The following PRR12 variants were observed in gnomAD, a reference collection of about 807,000 sequenced individuals.
PRR12 encodes proline rich 12.
Under a neutral mutation model 138.0 loss-of-function variants are expected in PRR12, and 12 were observed. The observed-to-expected ratio is 0.09, with a 90% confidence interval of 0.06 to 0.14. The LOEUF (loss-of-function observed/expected upper bound fraction) is 0.14, where lower values mean the gene tolerates loss of function less well. Ranked by LOEUF, PRR12 falls within the 10% of genes least tolerant of loss-of-function variation. PRR12 has a pLI of 1.00. For missense variants in PRR12, 2,692 were observed against 2,861.3 expected (o/e 0.94, Z 1.35); for synonymous variants, 1,567 against 1,291.7 (o/e 1.21, Z -4.57).
At chr19:49,612,288 G>T (rs1348624610) in intron 6 of PRR12, among the ~76,000 whole-genome samples, 2 of 151,760 alleles carry the variant, frequency 1.3e-5, no homozygotes, top group South Asian at 4.1e-4. Flanking sequence ...CCAATCAGCT[G>T]TGGGTATGGA....
chr19:49,596,987 C>T lies in PRR12; in HGVS notation c.2652C>T (p.Leu884=), dbSNP rs895654254. ...CGCCAGGCGCCATGCAGGAATTGCT[C>T]GGGGCTCTGGAGCCGCTGCCCCCGG... The part of the protein sequence containing the change: ...LDPPGAMQEL[L]GALEPLPPAP... Residue 884 remains leucine, a synonymous_variant, in exon 4 of 14, where the codon CTC becomes CTT. Coordinates refer to ENST00000418929, the MANE Select transcript of PRR12 (RefSeq NM_020719.3). This position sits in a 1 kb window ranked among gnomAD's most constrained non-coding sequence, Gnocchi z 5.6. 1.1e-5 allele frequency: 17 copies of T among 1,557,808 alleles called. No homozygotes were observed. Among genetic ancestry groups the T allele is most frequent in the Admixed American group, 3.8e-5 (2 of 52,228 alleles).
chr19:49,624,580 G>A (rs2080945064), intron 11 of PRR12, among the ~76,000 whole-genome samples: 1 of 151,558 alleles, frequency 6.6e-6, no homozygotes, highest in Admixed American at 6.6e-5. Context: ...GGATGGGGCT[G>A]GGAATTCTGG....
intron 9 of PRR12, 52 bp from the exon 10 acceptor site, chr19:49,620,300 G>A: frequency 1.2e-6 from 2 of 1,607,796 alleles, no homozygotes; most frequent in South Asian, 1.1e-5. Context: ...TGCCACACAG[G>A]TGGTCTCAGA....
Position 49,614,394 on chromosome 19 carries a change from G to A in PRR12, c.4774-139G>A, listed in dbSNP as rs1424433081. 3.3e-6 allele frequency: 2 copies of A among 610,510 alleles called. No homozygotes were observed. Among genetic ancestry groups the A allele is most frequent in the Non-Finnish European group, 5.7e-6 (2 of 351,114 alleles). The allele number at this position is 610,510 out of a possible 1,614,324, so 37.8% of individuals were successfully genotyped here. On this transcript the variant is annotated intron_variant, in intron 6 of 13. Transcript: ENST00000418929. The surrounding 1 kb of genome is among the most constrained non-coding windows in gnomAD (Gnocchi z 5.0). ...TACACAGAGCTGAACACATCATGGG[G>A]GTAGAAGATATTTGTTGTTGACGTG...
chr19:49,593,660 A>T (rs1204924844), intron 2 of PRR12, among the ~76,000 whole-genome samples: 1 of 151,070 alleles, frequency 6.6e-6, no homozygotes, highest in Non-Finnish European at 1.5e-5. Context: ...CTTTCGCTCC[A>T]ATTGGCCCTG....
At position 49,595,106 on chromosome 19, in the gene PRR12, T is replaced by C; in HGVS notation, c.771T>C (p.Ala257=). The change falls in exon 4 of 14, where the codon GCT becomes GCC. Residue 257 remains alanine (A), a synonymous_variant. Transcript: ENST00000418929. Reference sequence around the variant, plus strand: ...CTTCCTCTTCCGCTGCCGCCGCCGCTGCCGAGCAGTCCTCCCCACAGCTCT... The same window carrying C: ...CTTCCTCTTCCGCTGCCGCCGCCGCCGCCGAGCAGTCCTCCCCACAGCTCT... ...LLASSSAAAA[A]AEQSSPQLYN... 2 of 1,611,272 alleles carry C rather than the reference T, an allele frequency of 1.2e-6. No homozygotes were observed. Among genetic ancestry groups the C allele is most frequent in the African/African-American group, 1.3e-5 (1 of 74,620 alleles).
intron 6 of PRR12, among the ~76,000 whole-genome samples, chr19:49,606,136 G>A (rs974677632): frequency 8.6e-5 from 13 of 152,030 alleles, no homozygotes; most frequent in African/African-American, 3.1e-4. Flanking sequence ...AAGTAACTAG[G>A]ACTACAAGCA....
intron 6 of PRR12, among the ~76,000 whole-genome samples, chr19:49,613,874 C>T (rs1040515876): frequency 2.6e-5 from 4 of 152,160 alleles, no homozygotes; most frequent in East Asian, 3.9e-4. Context: ...TTTGGGAGGC[C>T]GAGCCGGGTG....
rs2080744043 is a variant in PRR12 at position 49,593,554 on chromosome 19, G to T, written c.199+115G>T. 6.8e-6 allele frequency: 4 copies of T among 591,358 alleles called. No individual in the cohort carries two copies. The Admixed American group carries it at 9.6e-5, about 14-fold the overall frequency. The allele number at this position is 591,358 out of a possible 1,614,324, so 36.6% of individuals were successfully genotyped here. A position where few individuals can be genotyped will look rare whatever the true frequency, so the allele number is the denominator to read the frequency against. On this transcript the variant is annotated intron_variant, in intron 2 of 13. Coordinates refer to ENST00000418929, the MANE Select transcript of PRR12 (RefSeq NM_020719.3). Reference sequence around the variant, plus strand: ...TTGGCCGTGGCCCGTGCCGTGGCCCGCCCCTTGCTGTGTCTCCTCTGATTG... The same window carrying T: ...TTGGCCGTGGCCCGTGCCGTGGCCCTCCCCTTGCTGTGTCTCCTCTGATTG...
chr19:49,591,847 C>T (rs1183342088), intron 1 of PRR12, 107 bp downstream of exon 1: 8 of 598,364 alleles, frequency 1.3e-5, no homozygotes, highest in African/African-American at 1.2e-4. Flanking sequence ...TCGCAAACTC[C>T]CCTCCGGCTT....
intron 8 of PRR12, 50 bp downstream of exon 8, chr19:49,615,059 C>T (rs1288977427): frequency 1.2e-6 from 2 of 1,606,900 alleles, no homozygotes; most frequent in Non-Finnish European, 8.5e-7. Context: ...CGCCGACAGG[C>T]ATGGGGATGC....
At chr19:49,603,696 T>C (rs552774312) in intron 6 of PRR12, among the ~76,000 whole-genome samples, 1 of 152,094 alleles carries the variant, frequency 6.6e-6, no homozygotes, top group East Asian at 1.9e-4. Context: ...AGACTCCATC[T>C]CGAAAAAATA....
At chr19:49,617,572 G>T (rs1012584978) in intron 9 of PRR12, among the ~76,000 whole-genome samples, 4 of 152,170 alleles carry the variant, frequency 2.6e-5, no homozygotes, top group Admixed American at 6.6e-5. Flanking sequence ...TCAAGGCTAT[G>T]GTGAGGTATG....
chr19:49,599,930 G>C lies in PRR12; in HGVS notation c.4337G>C (p.Gly1446Ala), dbSNP rs757993421. The change falls in exon 5 of 14, where the codon GGC becomes GCC. Residue 1446 changes from glycine to alanine, a missense_variant. Gly to Ala is a moderately conservative substitution (Grantham distance 60). Transcript: ENST00000418929. The surrounding 1 kb of genome is among the most constrained non-coding windows in gnomAD (Gnocchi z 5.0). Reference protein sequence around the residue: ...LPGLPSANSNGTPEPPLLEEK... With the variant: ...LPGLPSANSNATPEPPLLEEK... ...GGGCTCCCCAGTGCCAACAGCAATG[G>C]CACTCCCGGTGAGCTCTGGGCAGGT... 6.2e-7 allele frequency: 1 copy of C among 1,601,404 alleles called. No individual in the cohort carries two copies. The highest frequency in any genetic ancestry group is 8.5e-7 in the Non-Finnish European group (1 of 1,172,868).
Position 49,614,522 on chromosome 19 carries a change from C to G in PRR12, c.4774-11C>G. The G allele has an allele frequency of 6.5e-7, 1 of 1,533,918 alleles. No homozygotes were observed. Among genetic ancestry groups the G allele is most frequent in the Non-Finnish European group, 8.8e-7 (1 of 1,138,402 alleles). On this transcript the variant is annotated splice_polypyrimidine_tract_variant and intron_variant, in intron 6 of 13. Coordinates refer to ENST00000418929, the MANE Select transcript of PRR12 (RefSeq NM_020719.3). The surrounding 1 kb of genome is among the most constrained non-coding windows in gnomAD (Gnocchi z 5.0). ...TGACCCTGCTGGCCTCACCACACCC[C>G]TCCTCCTCAGCTGGCGTTGCAGACG... is the stretch of plus-strand genomic sequence containing the variant.
chr19:49,622,902 C>A (rs7247164), intron 11 of PRR12, among the ~76,000 whole-genome samples: 39,862 of 94,444 alleles, frequency 0.42, 8,883 homozygotes, highest in African/African-American at 0.65. Flanking sequence ...AAAAAAAAAA[C>A]AAAAACATAT....
intron 6 of PRR12, among the ~76,000 whole-genome samples, chr19:49,606,532 G>A (rs2080838995): frequency 6.7e-6 from 1 of 148,688 alleles, no homozygotes; most frequent in South Asian, 2.1e-4. Context: ...TCGAACTCCT[G>A]ACCTCGTGAT....
intron 2 of PRR12, 102 bp downstream of exon 2, chr19:49,593,541 C>A (rs1238096018): frequency 6.4e-6 from 4 of 622,152 alleles, no homozygotes; most frequent in Non-Finnish European, 8.6e-6. Flanking sequence ...GGCCGTGGCC[C>A]GTGCCGTGGC....
intron 6 of PRR12, among the ~76,000 whole-genome samples, chr19:49,608,941 T>TCCC (rs1333235018): frequency 6.6e-6 from 1 of 152,104 alleles, no homozygotes; most frequent in Non-Finnish European, 1.5e-5. Flanking sequence ...CCATTCTCCT[T>TCCC]CCCCCGTCTG....
Sources: gnomAD v4.1 joint callset for allele counts (sites outside exome capture counted in the v4.1 genomes callset) on GRCh38, gnomAD v4.1.1 for gene constraint, Gnocchi (gnomAD v3.1) non-coding constraint, MANE v1.5 for transcripts, NCBI Gene and HGNC (gene_info 2026-07-23, HGNC 2026-07-21) for gene names.